Variants in TRPM3 observed in about 807,000 individuals in gnomAD.
TRPM3 encodes transient receptor potential cation channel subfamily M member 3, also known as long transient receptor potential channel 3.
Under a neutral mutation model 181.2 loss-of-function variants are expected in TRPM3, and 77 were observed. That is an observed-to-expected ratio of 0.42 (90% CI 0.35 to 0.51). The LOEUF (loss-of-function observed/expected upper bound fraction) is 0.51, where lower values mean the gene tolerates loss of function less well. TRPM3 is among the 20% of genes least tolerant of loss of function. The pLI, the probability that TRPM3 is intolerant of heterozygous loss-of-function variation, is 0.01. For missense variants in TRPM3, 1,759 were observed against 2,196.7 expected (o/e 0.80, Z 3.98); for synonymous variants, 745 against 796.4 (o/e 0.94, Z 1.09).
At chr9:71,376,071 C>T (rs2092658802) in intron 1 of TRPM3, among the ~76,000 whole-genome samples, 1 of 151,838 alleles carries the variant, frequency 6.6e-6, no homozygotes, top group Non-Finnish European at 1.5e-5. Flanking sequence ...TTAGATACTG[C>T]CTGACAAGAC....
intron 1 of TRPM3, among the ~76,000 whole-genome samples, chr9:70,941,390 TC>T (rs2096884330): frequency 6.6e-6 from 1 of 152,202 alleles, no homozygotes; most frequent in African/African-American, 2.4e-5. Flanking sequence ...TGCCAAGGGC[TC>T]TCAGGCCGTC....
intron 5 of TRPM3, among the ~76,000 whole-genome samples, chr9:70,838,834 C>T (rs995491851): frequency 3.3e-5 from 5 of 151,908 alleles, no homozygotes; most frequent in African/African-American, 4.8e-5. Context: ...ATCTGTTGTT[C>T]GATCTATTAA....
At chr9:70,573,935 T>C (rs546545181) in intron 22 of TRPM3, among the ~76,000 whole-genome samples, 3 of 151,270 alleles carry the variant, frequency 2.0e-5, no homozygotes, top group African/African-American at 7.3e-5. Flanking sequence ...AACCCTTGGA[T>C]TGATGCAGAA....
chr9:71,151,551 T>C (rs1289945428), intron 1 of TRPM3, among the ~76,000 whole-genome samples: 2 of 152,058 alleles, frequency 1.3e-5, no homozygotes, highest in African/African-American at 2.4e-5. Flanking sequence ...AATTTGGCCA[T>C]CTTTATTAAA....
intron 22 of TRPM3, among the ~76,000 whole-genome samples, chr9:70,582,500 A>C (rs2056128459): frequency 6.6e-6 from 1 of 152,228 alleles, no homozygotes; most frequent in Non-Finnish European, 1.5e-5. Context: ...TGCAGTGAAC[A>C]AGAAAGATGT....
intron 1 of TRPM3, among the ~76,000 whole-genome samples, chr9:70,992,802 A>C (rs535253445): frequency 1.5e-3 from 223 of 152,328 alleles, no homozygotes; most frequent in African/African-American, 5.0e-3. Flanking sequence ...ATCAGAAAAC[A>C]ACCAAAAATA....
chr9:71,426,223 T>C (rs1240979618), intron 1 of TRPM3, among the ~76,000 whole-genome samples: 1 of 151,780 alleles, frequency 6.6e-6, no homozygotes, highest in Non-Finnish European at 1.5e-5. Flanking sequence ...TAATCAGCTT[T>C]ATAAGAATTT....
intron 7 of TRPM3, chr9:70,776,137 GCCT>G (rs2081312261): frequency 3.8e-6 from 1 of 260,034 alleles, no homozygotes; most frequent in South Asian, 1.5e-4. Flanking sequence ...CATGGTCTAG[GCCT>G]CCTATCCCAG....
At chr9:71,197,106 T>G (rs2131701386) in intron 1 of TRPM3, among the ~76,000 whole-genome samples, 1 of 152,188 alleles carries the variant, frequency 6.6e-6, no homozygotes, top group African/African-American at 2.4e-5. Context: ...CACCTATGAG[T>G]GAGAACATGC....
intron 1 of TRPM3, among the ~76,000 whole-genome samples, chr9:71,097,304 T>C (rs1160529067): frequency 6.6e-6 from 1 of 152,074 alleles, no homozygotes; most frequent in Non-Finnish European, 1.5e-5. Context: ...ATCCTAACTT[T>C]AGGATATATA....
At chr9:71,018,541 A>G (rs771522715) in intron 1 of TRPM3, among the ~76,000 whole-genome samples, 24 of 151,754 alleles carry the variant, frequency 1.6e-4, no homozygotes, top group Non-Finnish European at 2.7e-4. Flanking sequence ...TTTGTATGCC[A>G]ATAACTTAAA....
At chr9:70,578,167 G>T (rs943673464) in intron 22 of TRPM3, among the ~76,000 whole-genome samples, 1 of 152,100 alleles carries the variant, frequency 6.6e-6, no homozygotes, top group Non-Finnish European at 1.5e-5. Flanking sequence ...ATCTTATCAT[G>T]GGGGGTTTGA....
intron 5 of TRPM3, among the ~76,000 whole-genome samples, chr9:70,829,808 C>T (rs1273732488): frequency 6.6e-6 from 1 of 152,104 alleles, no homozygotes; most frequent in Admixed American, 6.6e-5. Flanking sequence ...GTTTGCTAAT[C>T]CCATCCTGAG....
At chr9:70,664,836 A>G (rs556954347) in intron 9 of TRPM3, among the ~76,000 whole-genome samples, 1 of 151,962 alleles carries the variant, frequency 6.6e-6, no homozygotes, top group East Asian at 1.9e-4. Context: ...TTTTTAGTAG[A>G]CATGGGTTTC....
intron 1 of TRPM3, among the ~76,000 whole-genome samples, chr9:71,274,917 G>A (rs1331609815): frequency 1.3e-5 from 2 of 152,162 alleles, no homozygotes; most frequent in Non-Finnish European, 2.9e-5. Context: ...GTCAGATAAA[G>A]GGAGCCCTTC....
chr9:70,979,820 C>T (rs952274311), intron 1 of TRPM3, among the ~76,000 whole-genome samples: 2 of 152,146 alleles, frequency 1.3e-5, no homozygotes, highest in African/African-American at 4.8e-5. Context: ...CTCATGGGGG[C>T]TTCTCTCCTT....
chr9:70,987,556 C>A (rs2097433881), intron 1 of TRPM3, among the ~76,000 whole-genome samples: 1 of 152,012 alleles, frequency 6.6e-6, no homozygotes, highest in African/African-American at 2.4e-5. Context: ...TATGCCATTA[C>A]TTTTAATGGC....
At chr9:71,407,635 C>T (rs951345312) in intron 1 of TRPM3, among the ~76,000 whole-genome samples, 9 of 152,208 alleles carry the variant, frequency 5.9e-5, no homozygotes, top group Non-Finnish European at 1.2e-4. Flanking sequence ...CTGTAGACTC[C>T]ACCTCTGGGG....
At chr9:70,972,509 T>C (rs1347461461) in intron 1 of TRPM3, among the ~76,000 whole-genome samples, 1 of 152,036 alleles carries the variant, frequency 6.6e-6, no homozygotes, top group Non-Finnish European at 1.5e-5. Context: ...GGGTAAAGAG[T>C]TTCTTTTTGA....
Sources: gnomAD v4.1 joint callset for allele counts (sites outside exome capture counted in the v4.1 genomes callset) on GRCh38, gnomAD v4.1.1 for gene constraint, MANE v1.5 for transcripts, NCBI Gene and HGNC (gene_info 2026-07-23, HGNC 2026-07-21) for gene names.